PLPP1: variants seen among roughly 807,000 people sequenced by gnomAD.
PLPP1 encodes lipid phosphate phosphohydrolase 1a.
A neutral mutation model predicts 31.2 loss-of-function variants in PLPP1; 24 were observed. That is an observed-to-expected ratio of 0.77 (90% CI 0.56 to 1.08). The LOEUF is 1.08. Ranked by LOEUF, PLPP1 falls within the 50% of genes least tolerant of loss-of-function variation. The probability of loss-of-function intolerance (pLI) is 0.00; values close to 1 mark genes in which losing one functional copy is unlikely to be tolerated. For synonymous variants in PLPP1, 146 were observed against 126.3 expected (o/e 1.16, Z -1.05); for missense variants, 319 against 342.7 (o/e 0.93, Z 0.55).
intron 1 of PLPP1, among the ~76,000 whole-genome samples, chr5:55,477,053 A>AAAC (rs1474008920): frequency 6.6e-6 from 1 of 151,000 alleles, no homozygotes; most frequent in Non-Finnish European, 1.5e-5. Flanking sequence ...AAAAAAAATA[A>AAAC]TAAACTAGAG....
At chr5:55,456,101 GC>G (rs1751999891) in intron 3 of PLPP1, among the ~76,000 whole-genome samples, 1 of 151,996 alleles carries the variant, frequency 6.6e-6, no homozygotes, top group Non-Finnish European at 1.5e-5. Context: ...CAAGTATATA[GC>G]CCCTTTTAAT....
chr5:55,523,827 T>G (rs577924829), intron 1 of PLPP1, among the ~76,000 whole-genome samples: 1 of 152,286 alleles, frequency 6.6e-6, no homozygotes, highest in South Asian at 2.1e-4. Context: ...GTTCCTTAAA[T>G]CTCAAGTCCA....
At chr5:55,532,301 T>A (rs1251889799) in intron 1 of PLPP1, among the ~76,000 whole-genome samples, 1 of 152,212 alleles carries the variant, frequency 6.6e-6, no homozygotes, top group African/African-American at 2.4e-5. Context: ...AGAGCAGTAT[T>A]ATGTTTCAGC....
At chr5:55,516,705 T>C (rs28662972) in intron 1 of PLPP1, among the ~76,000 whole-genome samples, 2,705 of 152,312 alleles carry the variant, frequency 0.018, 82 homozygotes, top group African/African-American at 0.061. Context: ...CCAATGTCCA[T>C]ACTCAAACTT....
At chr5:55,480,624 G>T (rs964309259) in intron 1 of PLPP1, among the ~76,000 whole-genome samples, 1 of 152,066 alleles carries the variant, frequency 6.6e-6, no homozygotes, top group African/African-American at 2.4e-5. Context: ...CATGCATTTT[G>T]TTCCTTTTTA....
At chr5:55,473,079 A>G (rs1002824358) in intron 2 of PLPP1, among the ~76,000 whole-genome samples, 7 of 152,202 alleles carry the variant, frequency 4.6e-5, no homozygotes, top group African/African-American at 1.7e-4. Flanking sequence ...TTTGCAACTA[A>G]AAGTCCTACT....
rs557136540 is a variant in PLPP1, at chr5:55,427,857, C to G, written c.550-1818G>C. 2.6e-5 allele frequency among the ~76,000 whole-genome samples: 4 copies of G among 151,980 alleles called. 1 individual carries two copies. Among genetic ancestry groups the G allele is most frequent in the Admixed American group, 2.6e-4 (4 of 15,268 alleles). On this transcript the variant is annotated intron_variant, in intron 4 of 5. Coordinates refer to ENST00000307259, the MANE Select transcript of PLPP1 (RefSeq NM_003711.4). ...CTGGAGTGCAGTGGTGCGATCTCGGCTCACTGCAACCTCCGCCTCCCGGGT... is the reference window on the plus strand; with the variant it reads ...CTGGAGTGCAGTGGTGCGATCTCGGGTCACTGCAACCTCCGCCTCCCGGGT...
rs1014502305 is a variant in PLPP1, at chr5:55,425,119, C to G, written c.*87G>C. The G allele has an allele frequency of 6.7e-7, 1 of 1,488,432 alleles. No homozygotes were observed. The highest frequency in any genetic ancestry group is 9.1e-7 in the Non-Finnish European group (1 of 1,103,582). 92.2% of individuals were successfully genotyped at this position (1,488,432 alleles called of 1,614,324 possible). A position where few individuals can be genotyped will look rare whatever the true frequency, so the allele number is the denominator to read the frequency against. ...GCAGAAGTCTTTAAAGGCTTGTACA[C>G]CAGGAAGAAAGATGCATCCTCTTGC... On this transcript the variant is annotated 3_prime_UTR_variant, in exon 6 of 6. Transcript: ENST00000307259.
At chr5:55,475,878 G>C (rs1752538424) in intron 1 of PLPP1, among the ~76,000 whole-genome samples, 1 of 152,090 alleles carries the variant, frequency 6.6e-6, no homozygotes, top group South Asian at 2.1e-4. Context: ...ATTGTCACTG[G>C]CTAAGCTATC....
chr5:55,485,799 A>C (rs1752764799), intron 1 of PLPP1, among the ~76,000 whole-genome samples: 1 of 152,164 alleles, frequency 6.6e-6, no homozygotes, highest in African/African-American at 2.4e-5. Context: ...TTCTATGTCA[A>C]TATTATCAAA....
intron 3 of PLPP1, among the ~76,000 whole-genome samples, chr5:55,449,024 A>T (rs965260412): frequency 6.6e-6 from 1 of 152,222 alleles, no homozygotes; most frequent in African/African-American, 2.4e-5. Context: ...CGTTCAGTAC[A>T]GATGCAATTT....
intron 1 of PLPP1, among the ~76,000 whole-genome samples, chr5:55,533,710 T>C (rs574740933): frequency 2.2e-4 from 34 of 152,342 alleles, no homozygotes; most frequent in African/African-American, 8.2e-4. Context: ...GTTTATTCCA[T>C]CATATATAAA....
At chr5:55,532,457 A>C (rs1424168665) in intron 1 of PLPP1, among the ~76,000 whole-genome samples, 2 of 152,212 alleles carry the variant, frequency 1.3e-5, no homozygotes, top group Non-Finnish European at 2.9e-5. Context: ...TCAATATATT[A>C]GAAATATATT....
At chr5:55,479,698 G>A (rs1207197435) in intron 1 of PLPP1, among the ~76,000 whole-genome samples, 1 of 152,194 alleles carries the variant, frequency 6.6e-6, no homozygotes, top group Admixed American at 6.5e-5. Flanking sequence ...TGATCTTGCT[G>A]TTTGGGGTTA....
intron 1 of PLPP1, among the ~76,000 whole-genome samples, chr5:55,497,339 G>A (rs972653276): frequency 1.3e-5 from 2 of 151,878 alleles, no homozygotes; most frequent in African/African-American, 4.8e-5. Context: ...TTGAACTCTT[G>A]GGCTCAGGCA....
At chr5:55,456,157 A>T (rs10046006) in intron 3 of PLPP1, among the ~76,000 whole-genome samples, 130,830 of 152,176 alleles carry the variant, frequency 0.86, 56,632 homozygotes, top group South Asian at 0.92. Context: ...TGAACTCTAG[A>T]TATTAAAATT....
At position 55,431,763 on chromosome 5, in the gene PLPP1, GAACTT is replaced by G. The variant is rs561598671; in HGVS notation, c.550-5729_550-5725del. Among the ~76,000 whole-genome samples, 458 of 152,156 alleles carry G rather than the reference GAACTT, an allele frequency of 3.0e-3. 2 individuals are homozygous for G. The highest frequency in any genetic ancestry group is 1.0e-2 in the African/African-American group (414 of 41,524). ...AAGAAAAATACTAAAGAGCAGAGCA[GAACTT>G]AACAAAATGAACTCTTAAAAGTACA... On this transcript the variant is annotated intron_variant, in intron 4 of 5. Transcript: ENST00000307259.
In PLPP1 at chr5:55,437,097, T is replaced by C. The variant is rs375029565; in HGVS notation, c.549+4754A>G. ...GACTTCCAGCTTCCAGACTGAGAAA[T>C]TTGTTTTTTATAAACCACCCAGTCT... On this transcript the variant is annotated intron_variant, in intron 4 of 5. Transcript: ENST00000307259. Among the ~76,000 whole-genome samples, 11 of 152,186 alleles carry C rather than the reference T, an allele frequency of 7.2e-5. No individual in the cohort carries two copies. In the East Asian group the frequency reaches 9.6e-4, roughly 13 times the overall value.
chr5:55,501,444 C>G (rs962277038), intron 1 of PLPP1, among the ~76,000 whole-genome samples: 4 of 151,314 alleles, frequency 2.6e-5, no homozygotes, highest in Non-Finnish European at 5.9e-5. Context: ...GCGATTTTCC[C>G]TCTCTTGCAA....
Sources: allele counts gnomAD v4.1 joint callset (sites outside exome capture counted in the v4.1 genomes callset), GRCh38; gene constraint gnomAD v4.1.1; transcripts MANE v1.5; gene names NCBI Gene and HGNC (gene_info 2026-07-23, HGNC 2026-07-21).